ASCC3: variants seen among roughly 807,000 people sequenced by gnomAD.
ASCC3 encodes the protein activating signal cointegrator 1 complex subunit 3.
ASCC3 carries 158 observed loss-of-function variants against 256.3 expected under a neutral mutation model. The observed-to-expected ratio is 0.62, with a 90% CI of 0.54 to 0.70. The LOEUF is 0.70. Among genes scored for constraint, ASCC3 ranks in the 30% least tolerant of loss-of-function variants. The pLI is 0.00. For synonymous variants in ASCC3, 948 were observed against 883.4 expected (o/e 1.07, Z -1.30); for missense variants, 2,259 against 2,626.0 (o/e 0.86, Z 3.05).
intron 17 of ASCC3, among the ~76,000 whole-genome samples, chr6:100,653,243 G>T (rs1344146868): frequency 1.3e-5 from 2 of 151,880 alleles, no homozygotes; most frequent in African/African-American, 4.8e-5. Flanking sequence ...AAAGTAAATA[G>T]GGATTTTAAA....
At chr6:100,611,886 A>C (rs1475191089) in intron 30 of ASCC3, among the ~76,000 whole-genome samples, 1 of 151,868 alleles carries the variant, frequency 6.6e-6, no homozygotes, top group East Asian at 1.9e-4. Context: ...AACCATGATA[A>C]ATGAAACACT....
chr6:100,787,624 C>T (rs1411441066), intron 8 of ASCC3, among the ~76,000 whole-genome samples: 1 of 151,930 alleles, frequency 6.6e-6, no homozygotes, highest in African/African-American at 2.4e-5. Context: ...GACAGCATGG[C>T]AAAGAATAGA....
At chr6:100,859,960 C>T (rs1363268748) in intron 3 of ASCC3, among the ~76,000 whole-genome samples, 1 of 151,942 alleles carries the variant, frequency 6.6e-6, no homozygotes, top group Non-Finnish European at 1.5e-5. Context: ...AAGAGATATT[C>T]AGTTTGACAG....
chr6:100,736,563 G>A (rs1780179509), intron 10 of ASCC3, among the ~76,000 whole-genome samples: 1 of 151,962 alleles, frequency 6.6e-6, no homozygotes, highest in Admixed American at 6.6e-5. Context: ...TTAGAGAAAT[G>A]TTCTCCTCCC....
intron 8 of ASCC3, among the ~76,000 whole-genome samples, chr6:100,785,140 T>A (rs6570969): frequency 0.35 from 52,593 of 151,938 alleles, 10,763 homozygotes; most frequent in Middle Eastern, 0.52. Context: ...TTGAATCAGA[T>A]GATCTGAGTA....
intron 30 of ASCC3, among the ~76,000 whole-genome samples, chr6:100,622,914 C>T (rs1774032141): frequency 6.6e-6 from 1 of 151,968 alleles, no homozygotes; most frequent in Non-Finnish European, 1.5e-5. Flanking sequence ...CAAAAAGAAA[C>T]ACAGTGGAAG....
intron 30 of ASCC3, among the ~76,000 whole-genome samples, chr6:100,614,134 TTTTATC>T (rs1453641580): frequency 7.2e-5 from 11 of 152,200 alleles, no homozygotes; most frequent in African/African-American, 2.7e-4. Context: ...TGATTATAAC[TTTTATC>T]TTTATTTCCA....
intron 14 of ASCC3, among the ~76,000 whole-genome samples, chr6:100,668,312 C>A (rs190187736): frequency 6.6e-6 from 1 of 152,112 alleles, no homozygotes; most frequent in African/African-American, 2.4e-5. Flanking sequence ...AAATATACTA[C>A]AGTTTAAAAG....
intron 3 of ASCC3, chr6:100,856,712 T>C (rs1283790320): frequency 6.6e-6 from 1 of 152,146 alleles, no homozygotes; most frequent in Non-Finnish European, 1.5e-5. Flanking sequence ...TTCAGTTTCA[T>C]ATTAATGGAA....
intron 37 of ASCC3, among the ~76,000 whole-genome samples, chr6:100,528,556 G>A (rs1160463536): frequency 1.3e-5 from 2 of 152,144 alleles, no homozygotes; most frequent in African/African-American, 4.8e-5. Flanking sequence ...TGGAAACTCA[G>A]TAGATCAAAA....
At chr6:100,763,727 T>C (rs1781517210) in intron 10 of ASCC3, among the ~76,000 whole-genome samples, 2 of 152,226 alleles carry the variant, frequency 1.3e-5, no homozygotes. Flanking sequence ...CAATGTTAAT[T>C]ACCCACAAAT....
In ASCC3 at chr6:100,868,714, T is replaced by G. The variant is rs556321632; in HGVS notation, c.-41-676A>C. Among the ~76,000 whole-genome samples, 172 of 152,296 alleles carry G rather than the reference T, an allele frequency of 1.1e-3. 1 individual carries two copies. The highest frequency in any genetic ancestry group is 1.9e-3 in the Non-Finnish European group (132 of 68,036). On this transcript the variant is annotated intron_variant, in intron 1 of 41. Transcript: ENST00000369162. Reference sequence around the variant, plus strand: ...GCAAATAGACAACAGAACCAGAATATTTTTGGTACTCAATAAGTATCTGTT... The same window carrying G: ...GCAAATAGACAACAGAACCAGAATAGTTTTGGTACTCAATAAGTATCTGTT...
intron 14 of ASCC3, among the ~76,000 whole-genome samples, chr6:100,670,547 G>C (rs1262216159): frequency 6.6e-6 from 1 of 151,272 alleles, no homozygotes; most frequent in Admixed American, 6.6e-5. Context: ...TGCATGTTCA[G>C]AACAGATACA....
chr6:100,778,590 A>G (rs899778048), intron 8 of ASCC3, among the ~76,000 whole-genome samples: 5 of 152,146 alleles, frequency 3.3e-5, no homozygotes. Flanking sequence ...TACTTACACT[A>G]GATAAGCATT....
intron 30 of ASCC3, among the ~76,000 whole-genome samples, chr6:100,617,370 T>C (rs1773719975): frequency 6.8e-6 from 1 of 146,136 alleles, no homozygotes; most frequent in South Asian, 2.1e-4. Flanking sequence ...TCTGTTCTTT[T>C]ATCTGTTAGT....
At chr6:100,775,981 A>G (rs1243252375) in intron 8 of ASCC3, among the ~76,000 whole-genome samples, 1 of 152,124 alleles carries the variant, frequency 6.6e-6, no homozygotes, top group African/African-American at 2.4e-5. Flanking sequence ...AATTATATTA[A>G]CAAATGCTTT....
At chr6:100,879,788 T>C (rs886924790) in intron 1 of ASCC3, among the ~76,000 whole-genome samples, 1 of 152,238 alleles carries the variant, frequency 6.6e-6, no homozygotes, top group African/African-American at 2.4e-5. Context: ...TACTACTTTT[T>C]GATCAAAGGC....
Position 100,627,713 on chromosome 6 carries a change from A to G in ASCC3, c.4522-3T>C. On this transcript the variant is annotated splice_polypyrimidine_tract_variant and splice_region_variant and intron_variant, in intron 28 of 41. Transcript: ENST00000369162. Reference sequence around the variant, plus strand: ...GGTCGGAAGTTAAACAAGCCCATCTAGAGTAAATATGAGAGAGAAACCATT... The same window carrying G: ...GGTCGGAAGTTAAACAAGCCCATCTGGAGTAAATATGAGAGAGAAACCATT... The G allele has an allele frequency of 6.2e-7, 1 of 1,613,496 alleles. No homozygotes were observed. Among genetic ancestry groups the G allele is most frequent in the Non-Finnish European group, 8.5e-7 (1 of 1,179,664 alleles).
At position 100,566,675 on chromosome 6, in the gene ASCC3, T is replaced by C. The variant is rs548263007; in HGVS notation, c.5550+22959A>G. ...TTATGCATTGATTGCCATTTGTTTTTTGTTTTTTTAAGGACATTGCTTCTT... is the reference window on the plus strand; with the variant it reads ...TTATGCATTGATTGCCATTTGTTTTCTGTTTTTTTAAGGACATTGCTTCTT... On this transcript the variant is annotated intron_variant, in intron 36 of 41. Coordinates refer to ENST00000369162, the MANE Select transcript of ASCC3 (RefSeq NM_006828.4). 2.0e-4 allele frequency among the ~76,000 whole-genome samples: 30 copies of C among 152,280 alleles called. No individual in the cohort carries two copies. In the South Asian group the frequency reaches 6.2e-3, roughly 32 times the overall value.
Sources: allele counts gnomAD v4.1 joint callset (sites outside exome capture counted in the v4.1 genomes callset), GRCh38; gene constraint gnomAD v4.1.1; transcripts MANE v1.5; gene names NCBI Gene and HGNC (gene_info 2026-07-23, HGNC 2026-07-21).